Variants in SNCAIP observed in about 807,000 individuals in gnomAD.
SNCAIP encodes synphilin-1.
Under a neutral mutation model 86.7 loss-of-function variants are expected in SNCAIP, and 43 were observed. That is an observed-to-expected ratio of 0.50 (90% CI 0.39 to 0.64). SNCAIP has a LOEUF of 0.64. Ranked by LOEUF, SNCAIP falls within the 30% of genes least tolerant of loss-of-function variation. The probability of loss-of-function intolerance (pLI) is 0.00; values close to 1 mark genes in which losing one functional copy is unlikely to be tolerated. For synonymous variants in SNCAIP, 417 were observed against 427.2 expected, an observed-to-expected ratio of 0.98 and a Z score of 0.29; for missense variants, 981 against 1,103.1, an observed-to-expected ratio of 0.89 and a Z score of 1.57.
chr5:122,381,117 A>C (rs1389255047), intron 1 of SNCAIP, among the ~76,000 whole-genome samples: 95 of 143,272 alleles, frequency 6.6e-4, no homozygotes, highest in African/African-American at 1.2e-3. Context: ...TGTCTCGTTG[A>C]TCTGTCTAAT....
chr5:122,393,044 A>G (rs17149125), intron 2 of SNCAIP, among the ~76,000 whole-genome samples: 19,788 of 152,160 alleles, frequency 0.13, 1,368 homozygotes, highest in South Asian at 0.25. Flanking sequence ...AGCAATAACT[A>G]AAACCGTTTA....
chr5:122,316,989 A>C (rs1406510155), intron 1 of SNCAIP, among the ~76,000 whole-genome samples: 1 of 152,016 alleles, frequency 6.6e-6, no homozygotes, highest in Non-Finnish European at 1.5e-5. Flanking sequence ...CAAGTCTAAA[A>C]CCCCTGAAGA....
intron 10 of SNCAIP, chr5:122,452,950 T>G (rs764426626): frequency 6.5e-7 from 1 of 1,549,238 alleles, no homozygotes; most frequent in Non-Finnish European, 8.7e-7. Flanking sequence ...TGCATCAATC[T>G]TTCCTCTAAC....
chr5:122,460,762 A>T (rs1037256767), intron 10 of SNCAIP, among the ~76,000 whole-genome samples: 5 of 152,310 alleles, frequency 3.3e-5, no homozygotes, highest in Admixed American at 1.3e-4. Flanking sequence ...TTCTTAATTT[A>T]CAATGCGTTT....
chr5:122,411,929 C>T (rs1774220992), intron 3 of SNCAIP, among the ~76,000 whole-genome samples: 1 of 152,138 alleles, frequency 6.6e-6, no homozygotes. Flanking sequence ...TCATGCCACT[C>T]CCTGCTCAAA....
At chr5:122,402,519 T>C (rs1291531962) in intron 2 of SNCAIP, among the ~76,000 whole-genome samples, 2 of 152,200 alleles carry the variant, frequency 1.3e-5, no homozygotes, top group Non-Finnish European at 2.9e-5. Flanking sequence ...ATTTCACTTT[T>C]CACTTGGAAA....
intron 1 of SNCAIP, among the ~76,000 whole-genome samples, chr5:122,317,822 G>A (rs1319238812): frequency 6.6e-6 from 1 of 152,078 alleles, no homozygotes; most frequent in Non-Finnish European, 1.5e-5. Flanking sequence ...ACCTGGGAAT[G>A]ATCTCGATCT....
intron 10 of SNCAIP, among the ~76,000 whole-genome samples, chr5:122,458,033 A>G (rs1207269294): frequency 6.6e-6 from 1 of 152,246 alleles, no homozygotes; most frequent in Non-Finnish European, 1.5e-5. Context: ...GTGTCTTTTC[A>G]TAAGCTCCTT....
At chr5:122,322,965 C>T (rs1451771735) in intron 1 of SNCAIP, among the ~76,000 whole-genome samples, 2 of 152,102 alleles carry the variant, frequency 1.3e-5, no homozygotes, top group Non-Finnish European at 2.9e-5. Flanking sequence ...CTCTGGTGTT[C>T]TGTGTTGGTG....
At chr5:122,381,949 AC>A (rs1433797974) in intron 1 of SNCAIP, among the ~76,000 whole-genome samples, 1 of 152,026 alleles carries the variant, frequency 6.6e-6, no homozygotes, top group East Asian at 1.9e-4. Context: ...AGGTAAACTG[AC>A]CTTTCTCCCT....
chr5:122,436,902 A>C (rs951096324), intron 6 of SNCAIP: 12 of 152,228 alleles, frequency 7.9e-5, no homozygotes, highest in African/African-American at 2.4e-4. Flanking sequence ...TCCCCAGAAG[A>C]GGAAACTGCT....
At chr5:122,379,512 C>T (rs1303092416) in intron 1 of SNCAIP, among the ~76,000 whole-genome samples, 1 of 129,670 alleles carries the variant, frequency 7.7e-6, no homozygotes, top group South Asian at 2.7e-4. Flanking sequence ...TCCTCTTTTC[C>T]TAATTGAATA....
chr5:122,337,732 G>A (rs1249377437), intron 1 of SNCAIP, among the ~76,000 whole-genome samples: 1 of 152,160 alleles, frequency 6.6e-6, no homozygotes, highest in Non-Finnish European at 1.5e-5. Flanking sequence ...TAGAGGCAGG[G>A]CTTCGCCATG....
intron 1 of SNCAIP, among the ~76,000 whole-genome samples, chr5:122,347,127 C>G (rs1386198777): frequency 6.6e-6 from 1 of 151,978 alleles, no homozygotes; most frequent in Non-Finnish European, 1.5e-5. Context: ...GTAACTGGAA[C>G]AAAAAACATG....
intron 2 of SNCAIP, among the ~76,000 whole-genome samples, chr5:122,397,925 GT>G (rs1770964603): frequency 1.3e-5 from 2 of 152,154 alleles, no homozygotes; most frequent in South Asian, 4.1e-4. Context: ...TTAAACAACA[GT>G]TGATGGTGGC....
chr5:122,455,798 A>AAATCT (rs140469564), intron 10 of SNCAIP, among the ~76,000 whole-genome samples: 2,022 of 152,238 alleles, frequency 0.013, 47 homozygotes, highest in African/African-American at 0.045. Flanking sequence ...TTGATAGCAA[A>AAATCT]AATCTAAATT....
intron 1 of SNCAIP, 135 bp from the exon 2 acceptor site, chr5:122,390,950 TGAAG>T: frequency 1.6e-6 from 1 of 616,488 alleles, no homozygotes; most frequent in Non-Finnish European, 2.9e-6. Flanking sequence ...TGTGGACAGT[TGAAG>T]GAAGGAAATG....
At chr5:122,428,106 A>G (rs969374219) in intron 5 of SNCAIP, among the ~76,000 whole-genome samples, 2 of 152,192 alleles carry the variant, frequency 1.3e-5, no homozygotes, top group Admixed American at 6.5e-5. Flanking sequence ...TAATTATTTT[A>G]AGACTTAAAT....
At chr5:122,341,134 T>C (rs1757491603) in intron 1 of SNCAIP, among the ~76,000 whole-genome samples, 1 of 152,252 alleles carries the variant, frequency 6.6e-6, no homozygotes, top group African/African-American at 2.4e-5. Flanking sequence ...ATTTCTACTT[T>C]ATGTCTTGGC....
Sources: allele counts gnomAD v4.1 joint callset (sites outside exome capture counted in the v4.1 genomes callset), GRCh38; gene constraint gnomAD v4.1.1; transcripts MANE v1.5; gene names NCBI Gene and HGNC (gene_info 2026-07-23, HGNC 2026-07-21).